Variants in SERPINB5 observed in about 807,000 individuals in gnomAD.
The protein encoded by SERPINB5 is serpin B5.
SERPINB5 carries 27 observed loss-of-function variants against 32.2 expected under a neutral mutation model. The observed-to-expected ratio is 0.84, with a 90% confidence interval of 0.62 to 1.16. The LOEUF is 1.16. SERPINB5 is among the 50% of genes most tolerant of loss of function. The probability of loss-of-function intolerance (pLI) is 0.00; values close to 1 mark genes in which losing one functional copy is unlikely to be tolerated. For synonymous variants in SERPINB5, 154 were observed against 157.4 expected (o/e 0.98, Z 0.16); for missense variants, 388 against 436.3 (o/e 0.89, Z 0.99).
rs746448260 is a variant in SERPINB5, at chr18:63,499,160, C to T, written c.608C>T (p.Thr203Met). Reference sequence around the variant, plus strand: ...GTGCAGATGATGAACATGGAGGCCACGTTCTGTATGGGAAACATTGACAGT... The same window carrying T: ...GTGCAGATGATGAACATGGAGGCCATGTTCTGTATGGGAAACATTGACAGT... ...KPVQMMNMEA[T>M]FCMGNIDSIN... Residue 203 changes from threonine to methionine, a missense_variant, in exon 6 of 7, where the codon ACG (threonine) becomes ATG (methionine). By Grantham distance (81) the Thr-to-Met change is moderately conservative. Coordinates refer to ENST00000382771, the MANE Select transcript of SERPINB5 (RefSeq NM_002639.5). The T allele has an allele frequency of 5.7e-6, 9 of 1,587,054 alleles. No individual in the cohort carries two copies. The highest frequency in any genetic ancestry group is 1.4e-5 in the African/African-American group (1 of 73,882).
At chr18:63,479,007 G>A (rs1227832959) in intron 1 of SERPINB5, among the ~76,000 whole-genome samples, 5 of 152,062 alleles carry the variant, frequency 3.3e-5, no homozygotes, top group South Asian at 2.1e-4. Context: ...TGATCTGCCC[G>A]CCTTGGCCTC....
rs1286973454 is a variant in SERPINB5 at position 63,504,299 on chromosome 18, A to T, written c.*577A>T. On this transcript the variant is annotated 3_prime_UTR_variant, in exon 7 of 7. Transcript: ENST00000382771. The stretch of plus-strand genomic sequence containing the variant: ...ATTTTGGGGATTTTCAAAAGATAAT[A>T]TTTTACATACACTGTATGTTATAGA... 1 of 153,700 alleles carries T rather than the reference A, an allele frequency of 6.5e-6. No individual in the cohort carries two copies. The highest frequency in any genetic ancestry group is 1.9e-4 in the East Asian group (1 of 5,214). The allele number at this position is 153,700 out of a possible 1,614,324, so 9.5% of individuals were successfully genotyped here. A position where few individuals can be genotyped will look rare whatever the true frequency, so the allele number is the denominator to read the frequency against.
At chr18:63,502,890 G>A (rs1000284552) in intron 6 of SERPINB5, among the ~76,000 whole-genome samples, 2 of 152,106 alleles carry the variant, frequency 1.3e-5, no homozygotes, top group African/African-American at 4.8e-5. Context: ...TGGGCATGGT[G>A]GAGTGTGCCT....
intron 2 of SERPINB5, among the ~76,000 whole-genome samples, chr18:63,485,422 G>A (rs1024336033): frequency 1.3e-5 from 2 of 152,176 alleles, no homozygotes; most frequent in Non-Finnish European, 2.9e-5. Context: ...TAGCTCATAA[G>A]CATTTAAAAA....
chr18:63,486,612 G>C (rs1917218463), intron 2 of SERPINB5: 1 of 208,284 alleles, frequency 4.8e-6, no homozygotes, highest in South Asian at 1.5e-4. Flanking sequence ...TTATGGTAGT[G>C]TTTCTCAGTG....
At chr18:63,496,867 A>G (rs888440137) in intron 5 of SERPINB5, 3 of 281,366 alleles carry the variant, frequency 1.1e-5, no homozygotes, top group Admixed American at 9.0e-5. Flanking sequence ...TAATAGGAGC[A>G]AAGAGAAGAA....
chr18:63,490,555 AG>A (rs1909311987), intron 4 of SERPINB5: 2 of 152,172 alleles, frequency 1.3e-5, no homozygotes, highest in East Asian at 3.9e-4. Context: ...CTGTCTAGGG[AG>A]GGATACACTT....
intron 6 of SERPINB5, 98 bp downstream of exon 6, chr18:63,499,385 C>T: frequency 9.1e-7 from 1 of 1,097,934 alleles, no homozygotes; most frequent in Non-Finnish European, 1.2e-6. Flanking sequence ...GGGCCGGTAG[C>T]CCTCCCTTAT....
intron 4 of SERPINB5, among the ~76,000 whole-genome samples, chr18:63,491,482 AT>A (rs113151376): frequency 2.9e-5 from 4 of 139,584 alleles, no homozygotes; most frequent in South Asian, 2.3e-4. Flanking sequence ...TCTTTCTTTC[AT>A]TTTTTTTTTG....
At chr18:63,502,523 A>G (rs781526956) in intron 6 of SERPINB5, among the ~76,000 whole-genome samples, 1 of 148,290 alleles carries the variant, frequency 6.7e-6, no homozygotes, top group African/African-American at 2.5e-5. Context: ...TCAAATTCCC[A>G]TTAAAAAAAA....
At chr18:63,484,356 A>G in intron 1 of SERPINB5, 66 bp from the exon 2 acceptor site, 1 of 1,395,550 alleles carries the variant, frequency 7.2e-7, no homozygotes, top group Non-Finnish European at 9.7e-7. Flanking sequence ...TAGTGTTGGC[A>G]GAATGCAGTT....
chr18:63,492,924 C>G (rs749030151), intron 4 of SERPINB5, 29 bp from the exon 5 acceptor site: 3 of 1,597,988 alleles, frequency 1.9e-6, no homozygotes, highest in South Asian at 1.1e-5. Flanking sequence ...AATAATTCTG[C>G]TACTTGTGTT....
At chr18:63,487,116 C>G (rs753135333) in intron 3 of SERPINB5, 33 bp downstream of exon 3, 1 of 1,602,722 alleles carries the variant, frequency 6.2e-7, no homozygotes, top group East Asian at 2.2e-5. Context: ...CAAGACTTAA[C>G]TTTTTACAAG....
intron 1 of SERPINB5, among the ~76,000 whole-genome samples, chr18:63,477,941 C>T (rs191436331): frequency 2.0e-5 from 3 of 152,168 alleles, no homozygotes; most frequent in African/African-American, 4.8e-5. Context: ...CCGCTGAGAT[C>T]AAATCAGGCC....
intron 5 of SERPINB5, among the ~76,000 whole-genome samples, chr18:63,496,175 A>C (rs1296438856): frequency 2.6e-5 from 4 of 152,226 alleles, no homozygotes; most frequent in African/African-American, 9.6e-5. Flanking sequence ...ACCTGTAGTC[A>C]GTGCCGATAA....
intron 3 of SERPINB5, among the ~76,000 whole-genome samples, chr18:63,488,135 G>C (rs1568109286): frequency 6.6e-6 from 1 of 152,184 alleles, no homozygotes; most frequent in South Asian, 2.1e-4. Context: ...GAGGACAATG[G>C]AGGCCCTCCT....
At chr18:63,493,242 T>A in intron 5 of SERPINB5, 147 bp downstream of exon 5, 1 of 993,316 alleles carries the variant, frequency 1.0e-6, no homozygotes, top group Non-Finnish European at 1.5e-6. Flanking sequence ...AGCTGGAAGG[T>A]AAGTGGTACA....
At chr18:63,497,047 G>A in intron 5 of SERPINB5, 2 of 565,124 alleles carry the variant, frequency 3.5e-6, no homozygotes, top group South Asian at 2.7e-5. Flanking sequence ...TGTACTAGGG[G>A]TCTAATCCGG....
At chr18:63,484,739 ATCTTTTTT>A in intron 2 of SERPINB5, 143 bp downstream of exon 2, 3 of 144,450 alleles carry the variant, frequency 2.1e-5, no homozygotes, top group African/African-American at 1.6e-4. Flanking sequence ...GACTCTCTTA[ATCTTTTTT>A]TTTTTTTTTT....
Sources: gnomAD v4.1 joint callset for allele counts (sites outside exome capture counted in the v4.1 genomes callset) on GRCh38, gnomAD v4.1.1 for gene constraint, MANE v1.5 for transcripts, NCBI Gene and HGNC (gene_info 2026-07-23, HGNC 2026-07-21) for gene names.